The following SESN3 variants were observed in gnomAD, a reference collection of about 807,000 sequenced individuals.
SESN3 encodes sestrin 3.
In SESN3, 21 loss-of-function variants were observed where a neutral mutation model predicts 55.3. The ratio of observed to expected loss-of-function variants is 0.38; its 90% CI spans 0.27 to 0.55. SESN3 has a LOEUF of 0.55. SESN3 is among the 20% of genes least tolerant of loss of function. The pLI is 0.76. For synonymous variants in SESN3, 181 were observed against 203.1 expected (o/e 0.89, Z 0.93); for missense variants, 408 against 604.3 (o/e 0.68, Z 3.41).
chr11:95,205,661 T>C (rs1314877868), intron 1 of SESN3, among the ~76,000 whole-genome samples: 1 of 152,174 alleles, frequency 6.6e-6, no homozygotes, highest in Non-Finnish European at 1.5e-5. Context: ...AAGACAGTAA[T>C]GTGGAAGGAT....
At chr11:95,215,089 T>C (rs918716853) in intron 1 of SESN3, among the ~76,000 whole-genome samples, 2 of 152,120 alleles carry the variant, frequency 1.3e-5, no homozygotes, top group African/African-American at 4.8e-5. Context: ...TGATAATGCA[T>C]GTTGAAACTG....
intron 6 of SESN3, chr11:95,184,059 T>G (rs532808309): frequency 1.7e-4 from 50 of 288,564 alleles, no homozygotes; most frequent in Admixed American, 1.7e-3. Context: ...AAAGGCAGTT[T>G]TTTTTAAAAT....
chr11:95,186,188 C>G (rs1017810700), intron 4 of SESN3, among the ~76,000 whole-genome samples: 2 of 74,240 alleles, frequency 2.7e-5, no homozygotes. Flanking sequence ...CTCTCTCTAT[C>G]TCTCACTGTG....
Position 95,170,804 on chromosome 11 carries a change from T to G in SESN3, c.*2451A>C, listed in dbSNP as rs1469884596. 6.6e-6 allele frequency: 1 copy of G among 152,178 alleles called. No individual in the cohort carries two copies. Among genetic ancestry groups the G allele is most frequent in the Non-Finnish European group, 1.5e-5 (1 of 68,014 alleles). 9.4% of individuals were successfully genotyped at this position (152,178 alleles called of 1,614,324 possible). On this transcript the variant is annotated 3_prime_UTR_variant, in exon 10 of 10. Transcript: ENST00000536441. ...CATAAATATATGGTGTTGTTTTTGT[T>G]TATAGTTCCAAGTCAACTTATTTTC... is the stretch of plus-strand genomic sequence containing the variant.
rs772240130 is a variant in SESN3, at chr11:95,191,532, G to C, written c.214C>G (p.Leu72Val). The change falls in exon 3 of 10, where the codon CTG becomes GTG. Residue 72 changes from leucine (L) to valine (V), a missense_variant. Leu to Val is a conservative substitution (Grantham distance 32). This residue lies in a region of SESN3 where 107 missense variants were observed against 211.3 expected (regional missense o/e 0.51). Transcript: ENST00000536441. ...CTCATGACCTGTGTGATGTTGTCCA[G>C]ACGACCGGATGTAGAGTATTCTTCC... ...LVEEYSTSGR[L>V]DNITQVMSLH... 6.2e-7 allele frequency: 1 copy of C among 1,612,978 alleles called. No individual in the cohort carries two copies. Among genetic ancestry groups the C allele is most frequent in the South Asian group, 1.1e-5 (1 of 91,068 alleles).
intron 1 of SESN3, among the ~76,000 whole-genome samples, chr11:95,197,973 C>T (rs973167882): frequency 1.3e-5 from 2 of 152,142 alleles, no homozygotes; most frequent in African/African-American, 4.8e-5. Flanking sequence ...AATCTTCTAT[C>T]TCAAACCAGC....
At chr11:95,215,747 G>A (rs139614906) in intron 1 of SESN3, among the ~76,000 whole-genome samples, 190 of 152,286 alleles carry the variant, frequency 1.2e-3, no homozygotes, top group African/African-American at 4.2e-3. Flanking sequence ...TCTAGAAAAG[G>A]TATGTATCAA....
intron 1 of SESN3, among the ~76,000 whole-genome samples, chr11:95,223,293 C>G (rs1177663627): frequency 6.6e-6 from 1 of 152,170 alleles, no homozygotes; most frequent in Non-Finnish European, 1.5e-5. Context: ...TCTCTTCTCT[C>G]TCTTTTCTTG....
At chr11:95,186,194 C>CTCTGTG (rs1363097937) in intron 4 of SESN3, among the ~76,000 whole-genome samples, 2 of 107,552 alleles carry the variant, frequency 1.9e-5, no homozygotes, top group Admixed American at 1.0e-4. Context: ...CTATCTCTCA[C>CTCTGTG]TGTGTGTGTG....
chr11:95,173,356 G>C lies in SESN3; in HGVS notation c.1393-15C>G. The C allele has an allele frequency of 6.5e-7, 1 of 1,549,998 alleles. No homozygotes were observed. Among genetic ancestry groups the C allele is most frequent in the Non-Finnish European group, 8.9e-7 (1 of 1,125,254 alleles). ...TTGACATGAACCTAGAAGTGAAAAT[G>C]TTATCAGTTTAGTAACCATTATAAA... On this transcript the variant is annotated splice_polypyrimidine_tract_variant and intron_variant, in intron 9 of 9. Transcript: ENST00000536441.
At chr11:95,217,910 A>G (rs1455384711) in intron 1 of SESN3, among the ~76,000 whole-genome samples, 1 of 152,168 alleles carries the variant, frequency 6.6e-6, no homozygotes, top group Non-Finnish European at 1.5e-5. Context: ...ATTCTGAATG[A>G]CTTGATTTTC....
chr11:95,195,915 T>C (rs1860352382), intron 1 of SESN3, among the ~76,000 whole-genome samples: 1 of 152,206 alleles, frequency 6.6e-6, no homozygotes, highest in African/African-American at 2.4e-5. Flanking sequence ...AAAAACGTGT[T>C]TGAAGCGTTT....
chr11:95,202,460 CTATT>C (rs888138266), intron 1 of SESN3, among the ~76,000 whole-genome samples: 1 of 152,070 alleles, frequency 6.6e-6, no homozygotes, highest in Non-Finnish European at 1.5e-5. Context: ...CTCTGGATGC[CTATT>C]TGTTTATTTT....
At chr11:95,223,987 TA>T (rs1418073377) in intron 1 of SESN3, among the ~76,000 whole-genome samples, 1 of 152,202 alleles carries the variant, frequency 6.6e-6, no homozygotes, top group Non-Finnish European at 1.5e-5. Context: ...ATAAATCACA[TA>T]TTTTTTGGAA....
intron 1 of SESN3, among the ~76,000 whole-genome samples, chr11:95,212,199 A>C (rs1276247673): frequency 6.6e-6 from 1 of 152,174 alleles, no homozygotes; most frequent in Non-Finnish European, 1.5e-5. Context: ...TCCATACAGT[A>C]ATGTATTAAA....
intron 1 of SESN3, among the ~76,000 whole-genome samples, chr11:95,199,155 ATAG>A (rs1366925595): frequency 6.6e-6 from 1 of 152,124 alleles, no homozygotes; most frequent in African/African-American, 2.4e-5. Context: ...GAAATTTTAA[ATAG>A]TAATAACTTT....
Position 95,175,606 on chromosome 11 carries a change from T to C in SESN3, c.1284A>G (p.Leu428=). 6.2e-7 allele frequency: 1 copy of C among 1,612,894 alleles called. No individual in the cohort carries two copies. The highest frequency in any genetic ancestry group is 8.5e-7 in the Non-Finnish European group (1 of 1,178,970). The change falls in exon 9 of 10, where the codon TTA becomes TTG. Residue 428 remains leucine, a synonymous_variant. Transcript: ENST00000536441. ...DDYDYGEVNQ[L]LERSLKVYIK... is the part of the protein sequence containing the mutation. ...TGTAAACCTTCAGGCTTCTTTCAAG[T>C]AATTGATTAACTTCTCCATAATCAT... is the stretch of plus-strand genomic sequence containing the variant.
Position 95,166,249 on chromosome 11 carries a change from C to T in SESN3, c.*7006G>A, listed in dbSNP as rs1287717206. The T allele has an allele frequency of 2.7e-5, 4 of 148,570 alleles. No homozygotes were observed. The highest frequency in any genetic ancestry group is 6.8e-5 in the Admixed American group (1 of 14,654). The allele number at this position is 148,570 out of a possible 1,614,324, so 9.2% of individuals were successfully genotyped here. On this transcript the variant is annotated 3_prime_UTR_variant, in exon 10 of 10. Coordinates refer to ENST00000536441, the MANE Select transcript of SESN3 (RefSeq NM_144665.4). ...TCACGTCATCTGCCTTACATTAGTC[C>T]AGTCACGTGCTTCGTAAAAAAAAAA...
intron 1 of SESN3, among the ~76,000 whole-genome samples, chr11:95,204,567 A>C (rs904690728): frequency 1.3e-5 from 2 of 152,116 alleles, no homozygotes; most frequent in South Asian, 4.1e-4. Flanking sequence ...TAATTAGGTC[A>C]TAAGAGTAGA....
Sources: gnomAD v4.1 joint callset for allele counts (sites outside exome capture counted in the v4.1 genomes callset) on GRCh38, gnomAD v4.1.1 for gene constraint, gnomAD v4.1.1 regional missense constraint, MANE v1.5 for transcripts, NCBI Gene and HGNC (gene_info 2026-07-23, HGNC 2026-07-21) for gene names.